GTSE1: variants seen among roughly 807,000 people sequenced by gnomAD.
GTSE1 encodes the protein G2 and S phase-expressed protein 1.
GTSE1 carries 52 observed loss-of-function variants against 60.5 expected under a neutral mutation model. That is an observed-to-expected ratio of 0.86 (90% CI 0.69 to 1.08). The LOEUF (loss-of-function observed/expected upper bound fraction) is 1.08, where lower values mean the gene tolerates loss of function less well. Ranked by LOEUF, GTSE1 falls within the 50% of genes least tolerant of loss-of-function variation. The pLI is 0.00. For missense variants in GTSE1, 937 were observed against 961.8 expected (o/e 0.97, Z 0.34); for synonymous variants, 368 against 386.5 (o/e 0.95, Z 0.56).
Position 46,324,957 on chromosome 22 carries a change from C to A in GTSE1, c.1506-1479C>A, listed in dbSNP as rs115047555. Among the ~76,000 whole-genome samples the A allele has an allele frequency of 0.023, 3,466 of 152,254 alleles. 52 individuals are homozygous for A. Among genetic ancestry groups the A allele is most frequent in the Non-Finnish European group, 0.029 (1,996 of 68,010 alleles). ...CCGAGGGGCCATGGTGGTGGGATGT[C>A]CTTGACTCATTTTATTTTAAAATAA... On this transcript the variant is annotated intron_variant, in intron 8 of 11. Coordinates refer to ENST00000454366, the MANE Select transcript of GTSE1 (RefSeq NM_016426.7). The surrounding 1 kb of genome is among the most constrained non-coding windows in gnomAD (Gnocchi z 5.2).
Position 46,329,002 on chromosome 22 carries a change from TG to T in GTSE1, c.1926+117del. ...CGGAGTTCCCTGCCATGCTTCATCCTGGGGCCAGTGCCTCCGTGCCAAGCAA... is the reference window on the plus strand; with the variant it reads ...CGGAGTTCCCTGCCATGCTTCATCCTGGGCCAGTGCCTCCGTGCCAAGCAA... On this transcript the variant is annotated intron_variant, in intron 10 of 11. Coordinates refer to ENST00000454366, the MANE Select transcript of GTSE1 (RefSeq NM_016426.7). This position sits in a 1 kb window ranked among gnomAD's most constrained non-coding sequence, Gnocchi z 6.4. 1.2e-6 allele frequency: 1 copy of T among 841,804 alleles called. No homozygotes were observed. The highest frequency in any genetic ancestry group is 2.5e-5 in the East Asian group (1 of 40,364). 52.1% of individuals were successfully genotyped at this position (841,804 alleles called of 1,614,324 possible).
rs2077705451 is a variant in GTSE1 at position 46,304,396 on chromosome 22, T to C, written c.80-3754T>C. On this transcript the variant is annotated intron_variant, in intron 2 of 11. Transcript: ENST00000454366. The surrounding 1 kb of genome is among the most constrained non-coding windows in gnomAD (Gnocchi z 4.4). ...AGGAATACTTCTGACGTTATCCCAC[T>C]GAACCTAATGCTGGCTTTGGGTTGA... Among the ~76,000 whole-genome samples the C allele has an allele frequency of 1.3e-5, 2 of 152,242 alleles. No homozygotes were observed. The highest frequency in any genetic ancestry group is 4.8e-5 in the African/African-American group (2 of 41,468).
intron 2 of GTSE1, among the ~76,000 whole-genome samples, chr22:46,306,811 C>T (rs533781304): frequency 6.6e-6 from 1 of 152,312 alleles, no homozygotes; most frequent in East Asian, 1.9e-4. Flanking sequence ...AAGATAAAAA[C>T]ATTTATGGGA....
chr22:46,319,022 C>CGCTTCCCTGCACAGGAT lies in GTSE1; in HGVS notation c.1432+2614_1432+2630dup, dbSNP rs1489249707. Among the ~76,000 whole-genome samples the CGCTTCCCTGCACAGGAT allele has an allele frequency of 6.6e-6, 1 of 152,196 alleles. No individual in the cohort carries two copies. Among genetic ancestry groups the CGCTTCCCTGCACAGGAT allele is most frequent in the African/African-American group, 2.4e-5 (1 of 41,444 alleles). On this transcript the variant is annotated intron_variant, in intron 7 of 11. Transcript: ENST00000454366. This position sits in a 1 kb window ranked among gnomAD's most constrained non-coding sequence, Gnocchi z 5.0. Reference sequence around the variant, plus strand: ...TCCGTTTGTGTCCCATTGAGTACGACGCTTCCCTGCACAGGATGCTAGGAC... The same window carrying CGCTTCCCTGCACAGGAT: ...TCCGTTTGTGTCCCATTGAGTACGACGCTTCCCTGCACAGGATGCTTCCCTGCACAGGATGCTAGGAC...
chr22:46,301,252 G>A lies in GTSE1; in HGVS notation c.79+3773G>A, dbSNP rs373864604. 3.9e-5 allele frequency among the ~76,000 whole-genome samples: 6 copies of A among 152,202 alleles called. No individual in the cohort carries two copies. In the East Asian group the frequency reaches 5.8e-4, roughly 15 times the overall value. Reference sequence around the variant, plus strand: ...GCACAACACATTGCTTTCCACACCTGTGAGTGTCTGTAGGATACACTTGCA... The same window carrying A: ...GCACAACACATTGCTTTCCACACCTATGAGTGTCTGTAGGATACACTTGCA... On this transcript the variant is annotated intron_variant, in intron 2 of 11. Transcript: ENST00000454366.
chr22:46,318,789 A>G lies in GTSE1; in HGVS notation c.1432+2377A>G, dbSNP rs2077795356. ...AGCCGCTGCGGTCGGGATTCTGCGTAGACGTGCGACAGCTGGTCAGTACTC... is the reference window on the plus strand; with the variant it reads ...AGCCGCTGCGGTCGGGATTCTGCGTGGACGTGCGACAGCTGGTCAGTACTC... On this transcript the variant is annotated intron_variant, in intron 7 of 11. Transcript: ENST00000454366. This position sits in a 1 kb window ranked among gnomAD's most constrained non-coding sequence, Gnocchi z 4.8. Among the ~76,000 whole-genome samples the G allele has an allele frequency of 6.6e-6, 1 of 152,132 alleles. No individual in the cohort carries two copies. Among genetic ancestry groups the G allele is most frequent in the Non-Finnish European group, 1.5e-5 (1 of 68,018 alleles).
chr22:46,301,586 C>T (rs2077689639), intron 2 of GTSE1, among the ~76,000 whole-genome samples: 1 of 151,666 alleles, frequency 6.6e-6, no homozygotes, highest in South Asian at 2.1e-4. Context: ...CTCTCAGGTT[C>T]CAGCAATTCT....
intron 7 of GTSE1, among the ~76,000 whole-genome samples, chr22:46,322,741 T>G (rs1159305103): frequency 6.6e-6 from 1 of 152,154 alleles, no homozygotes; most frequent in African/African-American, 2.4e-5. Flanking sequence ...AGTAAAGTCA[T>G]GGTTCGGGAA....
intron 8 of GTSE1, among the ~76,000 whole-genome samples, chr22:46,325,167 A>G (rs1825660641): frequency 6.6e-6 from 1 of 152,124 alleles, no homozygotes; most frequent in African/African-American, 2.4e-5. Context: ...TCACTGGGTT[A>G]GGGGTGAACA....
intron 9 of GTSE1, 64 bp from the exon 10 acceptor site, chr22:46,328,624 C>G: frequency 7.7e-7 from 1 of 1,294,880 alleles, no homozygotes; most frequent in Non-Finnish European, 1.1e-6. Flanking sequence ...ACTTGCTTCC[C>G]ACATCAGCCA....
chr22:46,328,847 T>G lies in GTSE1; in HGVS notation c.1884T>G (p.Ala628=), dbSNP rs760381773. ...TFSKSTATEV[A]REEAKPGGDA... is the part of the protein sequence containing the mutation. ...CCAAAAGTACTGCCACAGAAGTAGC[T>G]CGGGAGGAAGCCAAGCCGGGTGGAG... The change falls in exon 10 of 12, where the codon GCT becomes GCG. Residue 628 remains alanine (A), a synonymous_variant. Transcript: ENST00000454366. The G allele has an allele frequency of 1.9e-6, 3 of 1,613,918 alleles. No individual in the cohort carries two copies. In the Admixed American group the frequency reaches 5.0e-5, roughly 27 times the overall value.
intron 7 of GTSE1, among the ~76,000 whole-genome samples, chr22:46,322,028 C>G (rs2077815597): frequency 7.4e-6 from 1 of 134,676 alleles, no homozygotes; most frequent in Non-Finnish European, 1.5e-5. Flanking sequence ...AAGCCGAGAT[C>G]ATGCCACTGC....
chr22:46,316,492 G>A lies in GTSE1; in HGVS notation c.1432+80G>A, dbSNP rs2077781557. On this transcript the variant is annotated intron_variant, in intron 7 of 11. Transcript: ENST00000454366. The surrounding 1 kb of genome is among the most constrained non-coding windows in gnomAD (Gnocchi z 5.0). ...TTAAAGTTTTAAACAATTATTGATG[G>A]CATTGATGGTGTTTTTAGTTCTTTC... is the stretch of plus-strand genomic sequence containing the variant. The A allele has an allele frequency of 4.1e-6, 4 of 976,858 alleles. No homozygotes were observed. The South Asian group carries it at 6.5e-5, about 16-fold the overall frequency. 60.5% of individuals were successfully genotyped at this position (976,858 alleles called of 1,614,324 possible). A position where few individuals can be genotyped will look rare whatever the true frequency, so the allele number is the denominator to read the frequency against.
rs9627392 is a variant in GTSE1, at chr22:46,297,669, C to T, written c.79+190C>T. Reference sequence around the variant, plus strand: ...TCCCCATTTTAAGTTTCATCACAGCCAGGATTCTCATCCGTTTTATTTACC... The same window carrying T: ...TCCCCATTTTAAGTTTCATCACAGCTAGGATTCTCATCCGTTTTATTTACC... On this transcript the variant is annotated intron_variant, in intron 2 of 11. Coordinates refer to ENST00000454366, the MANE Select transcript of GTSE1 (RefSeq NM_016426.7). The surrounding 1 kb of genome is among the most constrained non-coding windows in gnomAD (Gnocchi z 4.9). 1.3e-5 allele frequency among the ~76,000 whole-genome samples: 2 copies of T among 152,230 alleles called. No homozygotes were observed. The highest frequency in any genetic ancestry group is 2.4e-5 in the African/African-American group (1 of 41,448).
In GTSE1 at chr22:46,314,123, T is replaced by C. The variant is rs2077765186; in HGVS notation, c.1051+110T>C. The C allele has an allele frequency of 1.5e-6, 2 of 1,371,282 alleles. No homozygotes were observed. The highest frequency in any genetic ancestry group is 2.0e-6 in the Non-Finnish European group (2 of 982,810). 84.9% of individuals were successfully genotyped at this position (1,371,282 alleles called of 1,614,324 possible). A position where few individuals can be genotyped will look rare whatever the true frequency, so the allele number is the denominator to read the frequency against. ...AGAACCACTTAGGCTTGGCAGGACG[T>C]CCCGGAGGGCGTGCTGTGTGCGGTG... On this transcript the variant is annotated intron_variant, in intron 6 of 11. Transcript: ENST00000454366. The surrounding 1 kb of genome is among the most constrained non-coding windows in gnomAD (Gnocchi z 7.1).
At position 46,297,424 on chromosome 22, in the gene GTSE1, T is replaced by A. The variant is rs756732234; in HGVS notation, c.24T>A (p.Asp8Glu). The A allele has an allele frequency of 6.2e-7, 1 of 1,613,926 alleles. No homozygotes were observed. The highest frequency in any genetic ancestry group is 8.5e-7 in the Non-Finnish European group (1 of 1,179,776). ...CCATGGAAGGAGGCGGCGGCCGCGA[T>A]GAGCCTTCAGCCTGCCGGGCAGGGG... is the stretch of plus-strand genomic sequence containing the variant. MEGGGGR[D>E]EPSACRAGDV... The change falls in exon 2 of 12, where the codon GAT becomes GAA. Residue 8 changes from aspartate to glutamate, a missense_variant. Physicochemically the swap from Asp to Glu is conservative, Grantham distance 45. Transcript: ENST00000454366. The surrounding 1 kb of genome is among the most constrained non-coding windows in gnomAD (Gnocchi z 4.9).
intron 8 of GTSE1, among the ~76,000 whole-genome samples, chr22:46,325,602 C>T (rs887222175): frequency 6.6e-6 from 1 of 152,118 alleles, no homozygotes; most frequent in African/African-American, 2.4e-5. Context: ...TTCAAGTGAT[C>T]CTCACACTCC....
At chr22:46,322,023 G>A (rs545678727) in intron 7 of GTSE1, among the ~76,000 whole-genome samples, 3 of 142,278 alleles carry the variant, frequency 2.1e-5, no homozygotes, top group East Asian at 2.1e-4. Context: ...GCGGTAAGCC[G>A]AGATCATGCC....
chr22:46,329,490 A>C lies in GTSE1; in HGVS notation c.2059A>C (p.Arg687=). 6.2e-7 allele frequency: 1 copy of C among 1,614,180 alleles called. No individual in the cohort carries two copies. The highest frequency in any genetic ancestry group is 8.5e-7 in the Non-Finnish European group (1 of 1,180,016). Residue 687 remains arginine, a synonymous_variant, in exon 11 of 12, where the codon AGG becomes CGG. Coordinates refer to ENST00000454366, the MANE Select transcript of GTSE1 (RefSeq NM_016426.7). The surrounding 1 kb of genome is among the most constrained non-coding windows in gnomAD (Gnocchi z 6.4). ...ACACGTGGCTGTAGGATCTGAAAGC[A>C]GGCCTCTGATCGACCTCATGACAAA... ...EAHVAVGSES[R]PLIDLMTNTP...
Sources: allele counts gnomAD v4.1 joint callset (sites outside exome capture counted in the v4.1 genomes callset), GRCh38; gene constraint gnomAD v4.1.1; non-coding constraint Gnocchi (gnomAD v3.1); transcripts MANE v1.5; gene names NCBI Gene and HGNC (gene_info 2026-07-23, HGNC 2026-07-21).